The following KY variants were observed in gnomAD, a reference collection of about 807,000 sequenced individuals.
KY encodes the protein kyphoscoliosis peptidase.
KY carries 43 observed loss-of-function variants against 76.1 expected under a neutral mutation model. The observed-to-expected ratio is 0.57, with a 90% CI of 0.44 to 0.73. KY has a LOEUF of 0.73. KY is among the 30% of genes least tolerant of loss of function. KY has a pLI of 0.00. For synonymous variants in KY, 277 were observed against 326.2 expected, an observed-to-expected ratio of 0.85 and a Z score of 1.63; for missense variants, 722 against 828.9, an observed-to-expected ratio of 0.87 and a Z score of 1.58.
At chr3:134,624,038 G>C (rs1267895906) in intron 6 of KY, among the ~76,000 whole-genome samples, 2 of 152,140 alleles carry the variant, frequency 1.3e-5, no homozygotes, top group East Asian at 3.9e-4. Context: ...ATTTCCCCTG[G>C]ATGTGCCACA....
rs1321982867 is a variant in KY, at chr3:134,603,555, G to C, written c.*24C>G. On this transcript the variant is annotated 3_prime_UTR_variant, in exon 11 of 11. Transcript: ENST00000423778. The stretch of plus-strand genomic sequence containing the variant: ...GGGAGGTCTGGCCTTGGCCCTTTGG[G>C]AGGGTAAGACCGGGGCACAGCCCTC... 1 of 1,544,052 alleles carries C rather than the reference G, an allele frequency of 6.5e-7. No individual in the cohort carries two copies. Among genetic ancestry groups the C allele is most frequent in the East Asian group, 2.3e-5 (1 of 44,106 alleles).
At chr3:134,628,727 C>A (rs893678241) in intron 4 of KY, among the ~76,000 whole-genome samples, 14 of 152,170 alleles carry the variant, frequency 9.2e-5, no homozygotes, top group Non-Finnish European at 1.5e-4. Flanking sequence ...TCATAATAAT[C>A]TTATGAGGCA....
At chr3:134,605,766 C>G (rs1959184247) in intron 10 of KY, among the ~76,000 whole-genome samples, 1 of 152,014 alleles carries the variant, frequency 6.6e-6, no homozygotes, top group South Asian at 2.1e-4. Context: ...AATAACGAGG[C>G]CTCTCAGACC....
At chr3:134,619,999 A>C (rs1049527975) in intron 7 of KY, 1 of 152,296 alleles carries the variant, frequency 6.6e-6, no homozygotes, top group African/African-American at 2.4e-5. Context: ...CTGTTGTTCC[A>C]GAAGAATAAA....
At chr3:134,633,999 C>T (rs1294394191) in intron 3 of KY, among the ~76,000 whole-genome samples, 1 of 152,144 alleles carries the variant, frequency 6.6e-6, no homozygotes, top group South Asian at 2.1e-4. Flanking sequence ...ATAACCATTT[C>T]CCATAGTTCC....
chr3:134,620,990 G>T, intron 6 of KY, 133 bp from the exon 7 acceptor site: 1 of 637,658 alleles, frequency 1.6e-6, no homozygotes, highest in Non-Finnish European at 2.8e-6. Context: ...GAGGGGCAAA[G>T]GCTGGCTGAG....
At chr3:134,637,262 C>T (rs1300544084) in intron 3 of KY, among the ~76,000 whole-genome samples, 1 of 152,210 alleles carries the variant, frequency 6.6e-6, no homozygotes, top group Non-Finnish European at 1.5e-5. Context: ...TGGGTGCTAT[C>T]GCCATCAGCA....
intron 8 of KY, among the ~76,000 whole-genome samples, chr3:134,612,586 G>A (rs1960679433): frequency 6.6e-6 from 1 of 152,136 alleles, no homozygotes; most frequent in African/African-American, 2.4e-5. Flanking sequence ...GAGGTGTAGG[G>A]GTGGGATAGA....
Position 134,603,446 on chromosome 3 carries a change from G to A in KY, c.*133C>T. 4 of 764,784 alleles carry A rather than the reference G, an allele frequency of 5.2e-6. No homozygotes were observed. The highest frequency in any genetic ancestry group is 8.4e-6 in the Non-Finnish European group (4 of 478,902). The allele number at this position is 764,784 out of a possible 1,614,324, so 47.4% of individuals were successfully genotyped here. A position where few individuals can be genotyped will look rare whatever the true frequency, so the allele number is the denominator to read the frequency against. ...ATCACAGCTCCTGTGGCAGAGGTGGGACACTGAGGCAGAGGCCTAGAAGGG... is the reference window on the plus strand; with the variant it reads ...ATCACAGCTCCTGTGGCAGAGGTGGAACACTGAGGCAGAGGCCTAGAAGGG... On this transcript the variant is annotated 3_prime_UTR_variant, in exon 11 of 11. Transcript: ENST00000423778.
intron 10 of KY, among the ~76,000 whole-genome samples, chr3:134,606,289 G>T (rs544728443): frequency 5.9e-5 from 9 of 152,226 alleles, no homozygotes; most frequent in Non-Finnish European, 1.2e-4. Flanking sequence ...CGTCCACCTG[G>T]CTACTCCTGG....
In KY at chr3:134,603,608, T is replaced by A; in HGVS notation, c.1957A>T (p.Ile653Phe). 1 of 1,595,144 alleles carries A rather than the reference T, an allele frequency of 6.3e-7. No homozygotes were observed. Among genetic ancestry groups the A allele is most frequent in the Non-Finnish European group, 8.6e-7 (1 of 1,167,810 alleles). ...TGGGCATTCACTTTGTATTTCAGGA[T>A]GTAGGAGTAGAAATTGTGGTTGGCA... ...ENANHNFYSYILKYKVNAQ is the reference protein window; with the variant it reads ...ENANHNFYSYFLKYKVNAQ The change falls in exon 11 of 11, where the codon ATC (isoleucine) becomes TTC (phenylalanine). Residue 653 changes from isoleucine to phenylalanine, a missense_variant. By Grantham distance (21) the Ile-to-Phe change is conservative. Transcript: ENST00000423778.
chr3:134,605,800 T>C (rs939110389), intron 10 of KY, among the ~76,000 whole-genome samples: 18 of 152,088 alleles, frequency 1.2e-4, no homozygotes, highest in Admixed American at 1.2e-3. Context: ...GCTGCTGGCC[T>C]CCACGCCTTC....
At position 134,643,392 on chromosome 3, in the gene KY, A is replaced by G; in HGVS notation, c.200-14T>C. The stretch of plus-strand genomic sequence containing the variant: ...CCACCAAGTTTTCTATTTAAGGAAG[A>G]CAGAGAGGCCTGCAGTGACCACTGG... On this transcript the variant is annotated splice_polypyrimidine_tract_variant and intron_variant, in intron 2 of 10. Transcript: ENST00000423778. The G allele has an allele frequency of 6.2e-7, 1 of 1,612,766 alleles. No homozygotes were observed.
In KY at chr3:134,626,141, C is replaced by T. The variant is rs1963410983; in HGVS notation, c.401-1006G>A. Among the ~76,000 whole-genome samples the T allele has an allele frequency of 2.6e-5, 4 of 152,162 alleles. No individual in the cohort carries two copies. In the South Asian group the frequency reaches 8.3e-4, roughly 32 times the overall value. On this transcript the variant is annotated intron_variant, in intron 5 of 10. Transcript: ENST00000423778. ...AAATCAGGAAAGCTGGGTGGGAAGA[C>T]AGGATGGGGGTGGGAAGAAGTTGGG...
In KY at chr3:134,646,694, C is replaced by T. The variant is rs143009106; in HGVS notation, c.199+741G>A. Among the ~76,000 whole-genome samples, 693 of 152,262 alleles carry T rather than the reference C, an allele frequency of 4.6e-3. 2 individuals carry two copies. The highest frequency in any genetic ancestry group is 8.4e-3 in the Non-Finnish European group (571 of 68,022). Reference sequence around the variant, plus strand: ...TGTCATGGAGGGTGGTTCCTTTACACTGGCATTTGATAAGCCAGTCATCTG... The same window carrying T: ...TGTCATGGAGGGTGGTTCCTTTACATTGGCATTTGATAAGCCAGTCATCTG... On this transcript the variant is annotated intron_variant, in intron 2 of 10. Transcript: ENST00000423778.
chr3:134,605,334 A>G (rs1208170548), intron 10 of KY, among the ~76,000 whole-genome samples: 1 of 152,070 alleles, frequency 6.6e-6, no homozygotes, highest in Non-Finnish European at 1.5e-5. Flanking sequence ...TCCCAGCCCC[A>G]GCAACCTCCC....
At chr3:134,639,010 G>A (rs1965353534) in intron 3 of KY, among the ~76,000 whole-genome samples, 2 of 133,426 alleles carry the variant, frequency 1.5e-5, no homozygotes, top group Non-Finnish European at 3.2e-5. Flanking sequence ...TAAGGTGTTT[G>A]TTAACTTTTT....
At chr3:134,629,067 G>T (rs1459036756) in intron 4 of KY, among the ~76,000 whole-genome samples, 1 of 152,182 alleles carries the variant, frequency 6.6e-6, no homozygotes, top group African/African-American at 2.4e-5. Flanking sequence ...GAAGGGAGTT[G>T]GGGAGACATC....
intron 3 of KY, among the ~76,000 whole-genome samples, chr3:134,634,471 T>C (rs2107938934): frequency 6.6e-6 from 1 of 152,292 alleles, no homozygotes; most frequent in South Asian, 2.1e-4. Flanking sequence ...TTTACAAAAG[T>C]GCAAAGACAA....
Sources: gnomAD v4.1 joint callset for allele counts (sites outside exome capture counted in the v4.1 genomes callset) on GRCh38, gnomAD v4.1.1 for gene constraint, MANE v1.5 for transcripts, NCBI Gene and HGNC (gene_info 2026-07-23, HGNC 2026-07-21) for gene names.